The following WDR35 variants were observed in gnomAD, a reference collection of about 807,000 sequenced individuals.
WDR35 encodes the protein WD repeat domain 35, also known as WD repeat-containing protein 35.
WDR35 carries 118 observed loss-of-function variants against 158.3 expected under a neutral mutation model. The observed-to-expected ratio is 0.75, with a 90% confidence interval of 0.64 to 0.87. The LOEUF (loss-of-function observed/expected upper bound fraction) is 0.87. Ranked by LOEUF, WDR35 falls within the 40% of genes least tolerant of loss-of-function variation. WDR35 has a pLI of 0.00. For synonymous variants in WDR35, 448 were observed against 476.1 expected (o/e 0.94, Z 0.77); for missense variants, 1,263 against 1,405.8 (o/e 0.90, Z 1.62).
chr2:19,989,138 C>A (rs1672662766), intron 2 of WDR35, 27 bp downstream of exon 2: 1 of 1,600,024 alleles, frequency 6.2e-7, no homozygotes, highest in Admixed American at 1.7e-5. Context: ...AATTTACTAC[C>A]AAACATGTGG....
At chr2:19,973,407 C>A (rs988518055) in intron 8 of WDR35, among the ~76,000 whole-genome samples, 156 bp downstream of exon 8, 1 of 151,902 alleles carries the variant, frequency 6.6e-6, no homozygotes, top group African/African-American at 2.4e-5. Flanking sequence ...TTATAAAATT[C>A]CATGATAAAA....
intron 10 of WDR35, among the ~76,000 whole-genome samples, chr2:19,964,105 C>T (rs1430490477): frequency 6.6e-6 from 1 of 152,128 alleles, no homozygotes; most frequent in Non-Finnish European, 1.5e-5. Context: ...TTCTCCAAAC[C>T]ATTGCTGTTG....
intron 2 of WDR35, 67 bp from the exon 3 acceptor site, chr2:19,982,601 CT>C (rs1672419845): frequency 6.6e-7 from 1 of 1,505,810 alleles, no homozygotes; most frequent in African/African-American, 1.4e-5. Flanking sequence ...GATTTTGACT[CT>C]TTTTGTATTC....
At chr2:19,960,987 A>G (rs898700090) in intron 10 of WDR35, among the ~76,000 whole-genome samples, 1 of 152,270 alleles carries the variant, frequency 6.6e-6, no homozygotes, top group African/African-American at 2.4e-5. Flanking sequence ...TTGCATCAAA[A>G]TAAACGTGCA....
intron 2 of WDR35, among the ~76,000 whole-genome samples, chr2:19,985,751 G>C (rs1292159016): frequency 6.7e-6 from 1 of 150,202 alleles, no homozygotes; most frequent in Non-Finnish European, 1.5e-5. Context: ...CAAAAAATTA[G>C]CTGGGCGTGG....
chr2:19,920,945 CAGAG>C (rs1459004859), intron 25 of WDR35, among the ~76,000 whole-genome samples: 6 of 152,170 alleles, frequency 3.9e-5, no homozygotes, highest in African/African-American at 1.4e-4. Flanking sequence ...AACAGCCAAA[CAGAG>C]AGCCAAATCG....
chr2:19,967,706 T>C (rs1280106229), intron 9 of WDR35, among the ~76,000 whole-genome samples: 1 of 152,114 alleles, frequency 6.6e-6, no homozygotes, highest in Non-Finnish European at 1.5e-5. Flanking sequence ...CTGATTACTT[T>C]CTAAAATAAG....
chr2:19,974,834 G>A (rs1293704200), intron 6 of WDR35, among the ~76,000 whole-genome samples: 1 of 151,960 alleles, frequency 6.6e-6, no homozygotes, highest in African/African-American at 2.4e-5. Flanking sequence ...TAAAAAATGA[G>A]GATTAAAAAA....
Position 19,914,227 on chromosome 2 carries a change from A to G in WDR35, c.3172T>C (p.Ser1058Pro). ...GCGCATGCGCAGAGTGCTAGCAGAG[A>G]GTAGATCTCCACAGGAGGGATGATG... The part of the protein sequence containing the change: ...EDIIPPVEIY[S>P]LLALCACASR... The change falls in exon 26 of 27, where the codon TCT becomes CCT. Residue 1058 changes from serine to proline, a missense_variant. Transcript: ENST00000281405. The G allele has an allele frequency of 6.2e-7, 1 of 1,613,422 alleles. No individual in the cohort carries two copies.
chr2:19,982,664 C>A (rs1225730277), intron 2 of WDR35, 130 bp from the exon 3 acceptor site: 1 of 979,656 alleles, frequency 1.0e-6, no homozygotes, highest in Non-Finnish European at 1.5e-6. Flanking sequence ...ATATATTTTT[C>A]TCATGGTATA....
chr2:19,986,925 G>A (rs35425971), intron 2 of WDR35, among the ~76,000 whole-genome samples: 7 of 152,004 alleles, frequency 4.6e-5, no homozygotes, highest in African/African-American at 7.3e-5. Context: ...GAGATTTATC[G>A]TAGAAAGTAT....
In WDR35 at chr2:19,916,840, A is replaced by C. The variant is rs1670006009; in HGVS notation, c.3122-2563T>G. Among the ~76,000 whole-genome samples, 6 of 152,224 alleles carry C rather than the reference A, an allele frequency of 3.9e-5. No homozygotes were observed. In the South Asian group the frequency reaches 1.0e-3, roughly 26 times the overall value. On this transcript the variant is annotated intron_variant, in intron 25 of 26. Transcript: ENST00000281405. Reference sequence around the variant, plus strand: ...ACGTCCCTACCTGGCAGCTCTGAAGACAGCAGCGGATCAACCAGCACAGTG... The same window carrying C: ...ACGTCCCTACCTGGCAGCTCTGAAGCCAGCAGCGGATCAACCAGCACAGTG...
intron 2 of WDR35, among the ~76,000 whole-genome samples, chr2:19,983,738 A>C (rs2103466290): frequency 6.6e-6 from 1 of 152,268 alleles, no homozygotes; most frequent in East Asian, 1.9e-4. Context: ...TTTCCTCTAA[A>C]TCACTAGTTC....
intron 8 of WDR35, 31 bp from the exon 9 acceptor site, chr2:19,969,636 T>C: frequency 3.1e-6 from 5 of 1,607,058 alleles, no homozygotes; most frequent in Non-Finnish European, 4.3e-6. Context: ...TAACCTAAAG[T>C]ATAACAATTA....
At chr2:19,959,458 AC>A (rs1671559492) in intron 11 of WDR35, among the ~76,000 whole-genome samples, 1 of 152,020 alleles carries the variant, frequency 6.6e-6, no homozygotes, top group East Asian at 1.9e-4. Flanking sequence ...TTAACAAGGA[AC>A]ACTAATGTGT....
In WDR35 at chr2:19,974,534, A is replaced by G. The variant is rs757871845; in HGVS notation, c.670T>C (p.Cys224Arg). 76 of 1,612,680 alleles carry G rather than the reference A, an allele frequency of 4.7e-5. No homozygotes were observed. The highest frequency in any genetic ancestry group is 5.9e-5 in the Non-Finnish European group (69 of 1,179,224). ...TCAAAGCAAACAGCAAGGCAAGGGC[A>G]ATCAGGCTCCACGTAGCCTTCTGTG... Reference protein sequence around the residue: ...HGTEGYVEPDCPCLAVCFDNG... With the variant: ...HGTEGYVEPDRPCLAVCFDNG... Residue 224 changes from cysteine to arginine, a missense_variant, in exon 7 of 27, where the codon TGC (cysteine) becomes CGC (arginine). Transcript: ENST00000281405.
At chr2:19,948,526 T>C (rs1349774354) in intron 13 of WDR35, among the ~76,000 whole-genome samples, 2 of 151,928 alleles carry the variant, frequency 1.3e-5, no homozygotes, top group East Asian at 1.9e-4. Context: ...AAGGAGTACC[T>C]AACTTACACC....
At chr2:19,926,107 A>G (rs1670347405) in intron 25 of WDR35, among the ~76,000 whole-genome samples, 1 of 152,246 alleles carries the variant, frequency 6.6e-6, no homozygotes, top group Admixed American at 6.5e-5. Flanking sequence ...GTAAATGGAG[A>G]ATTTTAACTG....
chr2:19,928,998 A>C (rs1670445915), intron 25 of WDR35, among the ~76,000 whole-genome samples: 1 of 152,102 alleles, frequency 6.6e-6, no homozygotes, highest in African/African-American at 2.4e-5. Flanking sequence ...TAGTAAAGAC[A>C]GGGTTTCACC....
Sources: allele counts gnomAD v4.1 joint callset (sites outside exome capture counted in the v4.1 genomes callset), GRCh38; gene constraint gnomAD v4.1.1; transcripts MANE v1.5; gene names NCBI Gene and HGNC (gene_info 2026-07-23, HGNC 2026-07-21).